SELP: variants seen among roughly 807,000 people sequenced by gnomAD.
The protein encoded by SELP is P-selectin.
A neutral mutation model predicts 104.1 loss-of-function variants in SELP; 92 were observed. That is an observed-to-expected ratio of 0.88 (90% CI 0.75 to 1.05). The LOEUF (loss-of-function observed/expected upper bound fraction) is 1.05. SELP is among the 50% of genes least tolerant of loss of function. The pLI is 0.00. For synonymous variants in SELP, 397 were observed against 364.5 expected, an observed-to-expected ratio of 1.09 and a Z score of -1.01; for missense variants, 1,022 against 1,017.3, an observed-to-expected ratio of 1.00 and a Z score of -0.06.
At chr1:169,606,450 A>G (rs1662199879) in intron 9 of SELP, among the ~76,000 whole-genome samples, 1 of 152,170 alleles carries the variant, frequency 6.6e-6, no homozygotes, top group African/African-American at 2.4e-5. Flanking sequence ...TCTTCACCTT[A>G]TTCTAAGTCT....
At position 169,607,186 on chromosome 1, in the gene SELP, T is replaced by C. The variant is rs762923498; in HGVS notation, c.1334-52A>G. 10 of 1,416,044 alleles carry C rather than the reference T, an allele frequency of 7.1e-6. No homozygotes were observed. In the African/African-American group the frequency reaches 1.4e-4, roughly 20 times the overall value. 87.7% of individuals were successfully genotyped at this position (1,416,044 alleles called of 1,614,324 possible). A position where few individuals can be genotyped will look rare whatever the true frequency, so the allele number is the denominator to read the frequency against. On this transcript the variant is annotated intron_variant, in intron 8 of 16. Coordinates refer to ENST00000263686, the MANE Select transcript of SELP (RefSeq NM_003005.4). ...AGAAACAGTAATACACATGTACTCA[T>C]TGATTTTTGACCATTAACTCTTTCT...
chr1:169,607,498 T>C (rs1662262052), intron 8 of SELP, among the ~76,000 whole-genome samples: 2 of 152,118 alleles, frequency 1.3e-5, no homozygotes, highest in Admixed American at 1.3e-4. Flanking sequence ...TGCCATTAAT[T>C]GAGGGTGGAA....
chr1:169,608,169 C>A (rs1290978228), intron 8 of SELP, among the ~76,000 whole-genome samples: 1 of 133,516 alleles, frequency 7.5e-6, no homozygotes, highest in Non-Finnish European at 1.6e-5. Context: ...TTTTGCTGTT[C>A]AATTTTTTAT....
At chr1:169,591,501 A>C in intron 14 of SELP, 45 bp from the exon 15 acceptor site, 1 of 1,437,732 alleles carries the variant, frequency 7.0e-7, no homozygotes. Context: ...AAAAAAAAAA[A>C]CAAGATGAAA....
Position 169,613,071 on chromosome 1 carries a change from C to A in SELP, c.633G>T (p.Met211Ile), listed in dbSNP as rs1005337032. The A allele has an allele frequency of 1.7e-5, 27 of 1,613,318 alleles. No individual in the cohort carries two copies. Among genetic ancestry groups the A allele is most frequent in the Non-Finnish European group, 2.3e-5 (27 of 1,179,510 alleles). ...GELELPQHVLMNCSHPLGNFS... is the reference protein window; with the variant it reads ...GELELPQHVLINCSHPLGNFS... ...AGTTTCCCAGAGGGTGGCTGCAGTT[C>A]ATGAGCACGTGTTGAGGGAGCTCAA... Residue 211 changes from methionine to isoleucine, a missense_variant, in exon 5 of 17, where the codon ATG becomes ATT. Met to Ile is a conservative substitution (Grantham distance 10, BLOSUM62 1). Coordinates refer to ENST00000263686, the MANE Select transcript of SELP (RefSeq NM_003005.4).
Position 169,597,169 on chromosome 1 carries a change from C to T in SELP, c.1713G>A (p.Lys571=). Residue 571 remains lysine, a synonymous_variant, in exon 11 of 17, where the codon AAG becomes AAA. Transcript: ENST00000263686. ...TDSPPMCEAI[K]CPELFAPEQG... ...GCTCTGGGGCAAAGAGTTCTGGGCA[C>T]TTGATGGCTAGAGTATCAAATTAAG... 1 of 1,587,574 alleles carries T rather than the reference C, an allele frequency of 6.3e-7. No homozygotes were observed.
At position 169,596,016 on chromosome 1, in the gene SELP, A is replaced by G. The variant is rs774689570; in HGVS notation, c.2010T>C (p.Phe670=). 8.1e-6 allele frequency: 13 copies of G among 1,613,844 alleles called. No individual in the cohort carries two copies. Among genetic ancestry groups the G allele is most frequent in the African/African-American group, 1.3e-5 (1 of 74,916 alleles). The change falls in exon 12 of 17, where the codon TTT becomes TTC. Residue 670 remains phenylalanine, a synonymous_variant. Coordinates refer to ENST00000263686, the MANE Select transcript of SELP (RefSeq NM_003005.4). ...TGAGTGTGAATCCAGCGTTGCAGCC[A>G]AAGTAACAAGTGGTATTAAAACCAA... The part of the protein sequence containing the change: ...GTFGFNTTCY[F]GCNAGFTLIG...
intron 9 of SELP, among the ~76,000 whole-genome samples, 164 bp downstream of exon 9, chr1:169,606,785 A>C (rs1326922396): frequency 6.6e-6 from 1 of 152,168 alleles, no homozygotes; most frequent in Non-Finnish European, 1.5e-5. Flanking sequence ...AGGCATTTGC[A>C]TTTGGGATCC....
chr1:169,613,824 A>G, intron 3 of SELP, 131 bp from the exon 4 acceptor site: 2 of 715,178 alleles, frequency 2.8e-6, no homozygotes, highest in Non-Finnish European at 4.9e-6. Context: ...GAAGCACAGT[A>G]TCTTCTAGAG....
At chr1:169,604,456 T>C (rs1387813859) in intron 9 of SELP, among the ~76,000 whole-genome samples, 3 of 152,216 alleles carry the variant, frequency 2.0e-5, no homozygotes, top group African/African-American at 7.2e-5. Context: ...TTTAGTTTAA[T>C]TAGATCCCAT....
At chr1:169,616,237 A>ATGT (rs1460408260) in intron 3 of SELP, among the ~76,000 whole-genome samples, 2 of 152,198 alleles carry the variant, frequency 1.3e-5, no homozygotes, top group Non-Finnish European at 2.9e-5. Context: ...ATCTAAAGAT[A>ATGT]TGTTGTTGTT....
In SELP at chr1:169,611,886, C is replaced by T. The variant is rs538904114; in HGVS notation, c.962-209G>A. ...AACAAAGATTCCTCCAAGCTGTATT[C>T]TTAATGTCCTCTATTCCCTATACTT... On this transcript the variant is annotated intron_variant, in intron 6 of 16. Transcript: ENST00000263686. Among the ~76,000 whole-genome samples the T allele has an allele frequency of 2.0e-5, 3 of 152,220 alleles. No homozygotes were observed. In the East Asian group the frequency reaches 5.8e-4, roughly 29 times the overall value.
At chr1:169,602,358 T>G (rs1325654364) in intron 10 of SELP, among the ~76,000 whole-genome samples, 2 of 152,190 alleles carry the variant, frequency 1.3e-5, no homozygotes, top group Non-Finnish European at 2.9e-5. Flanking sequence ...GATTTAGTAA[T>G]GCTCAGTTGA....
chr1:169,594,403 A>C (rs1661493424), intron 13 of SELP, among the ~76,000 whole-genome samples: 1 of 152,188 alleles, frequency 6.6e-6, no homozygotes, highest in Non-Finnish European at 1.5e-5. Context: ...AGTTTAAAAC[A>C]TTTTGAAACT....
chr1:169,590,331 A>G (rs750879055), intron 15 of SELP, 129 bp from the exon 16 acceptor site: 35 of 698,340 alleles, frequency 5.0e-5, no homozygotes, highest in Admixed American at 4.2e-4. Flanking sequence ...GAAAGGAAAG[A>G]AAAATAAATG....
chr1:169,621,164 GTTGT>G (rs1663108044), intron 1 of SELP, among the ~76,000 whole-genome samples: 1 of 139,964 alleles, frequency 7.1e-6, no homozygotes, highest in South Asian at 2.3e-4. Flanking sequence ...ACTGTGTGGG[GTTGT>G]GTGTGTGTTC....
Position 169,613,616 on chromosome 1 carries a change from G to A in SELP, c.559C>T (p.Pro187Ser). Reference sequence around the variant, plus strand: ...TCACATTCTGGCCCATAGAATCCAGGGTAACAGGAGCAGGTGTAGTTCCCG... The same window carrying A: ...TCACATTCTGGCCCATAGAATCCAGAGTAACAGGAGCAGGTGTAGTTCCCG... ...TIGNYTCSCY[P>S]GFYGPECEYV... The change falls in exon 4 of 17, where the codon CCT becomes TCT. Residue 187 changes from proline (P) to serine (S), a missense_variant. Transcript: ENST00000263686. 2 of 1,613,942 alleles carry A rather than the reference G, an allele frequency of 1.2e-6. No homozygotes were observed. Among genetic ancestry groups the A allele is most frequent in the East Asian group, 2.2e-5 (1 of 44,874 alleles).
At position 169,609,491 on chromosome 1, in the gene SELP, A is replaced by G. The variant is rs942753535; in HGVS notation, c.1333+13T>C. 9.3e-6 allele frequency: 15 copies of G among 1,604,382 alleles called. No homozygotes were observed. Among genetic ancestry groups the G allele is most frequent in the Middle Eastern group, 3.3e-4 (2 of 6,020 alleles). On this transcript the variant is annotated intron_variant, in intron 8 of 16. Coordinates refer to ENST00000263686, the MANE Select transcript of SELP (RefSeq NM_003005.4). Reference sequence around the variant, plus strand: ...CTGAGACACACAGAAAAACATTACCACTGTTACAGTACCTTGACAGACTGG... The same window carrying G: ...CTGAGACACACAGAAAAACATTACCGCTGTTACAGTACCTTGACAGACTGG...
chr1:169,604,448 T>C (rs1368223719), intron 9 of SELP, among the ~76,000 whole-genome samples: 2 of 151,674 alleles, frequency 1.3e-5, no homozygotes, highest in Non-Finnish European at 2.9e-5. Context: ...AGAAGCTCTT[T>C]AGTTTAATTA....
Sources: gnomAD v4.1 joint callset for allele counts (sites outside exome capture counted in the v4.1 genomes callset) on GRCh38, gnomAD v4.1.1 for gene constraint, MANE v1.5 for transcripts, NCBI Gene and HGNC (gene_info 2026-07-23, HGNC 2026-07-21) for gene names.